The following RAPGEF4 variants were observed in gnomAD, a reference collection of about 807,000 sequenced individuals.
The protein encoded by RAPGEF4 is RAP guanine-nucleotide-exchange factor (GEF) 4.
In RAPGEF4, 66 loss-of-function variants were observed where a neutral mutation model predicts 147.9. The ratio of observed to expected loss-of-function variants is 0.45; its 90% CI spans 0.37 to 0.55. The LOEUF is 0.55. Among genes scored for constraint, RAPGEF4 ranks in the 20% least tolerant of loss-of-function variants. The pLI is 0.00. For missense variants in RAPGEF4, 1,071 were observed against 1,257.3 expected (o/e 0.85, Z 2.24); for synonymous variants, 419 against 442.7 (o/e 0.95, Z 0.67).
At chr2:172,749,501 A>T (rs1468454919) in intron 1 of RAPGEF4, among the ~76,000 whole-genome samples, 2 of 152,206 alleles carry the variant, frequency 1.3e-5, no homozygotes, top group Non-Finnish European at 2.9e-5. Context: ...GACAGCTGGG[A>T]CAAAGGGCAC....
chr2:172,860,381 A>G lies in RAPGEF4; in HGVS notation c.444+45956A>G, dbSNP rs551589646. 63 of 923,002 alleles carry G rather than the reference A, an allele frequency of 6.8e-5. No individual in the cohort carries two copies. The South Asian group carries it at 2.8e-3, about 42-fold the overall frequency. The allele number at this position is 923,002 out of a possible 1,614,324, so 57.2% of individuals were successfully genotyped here. ...GCTTGTTTCTCTTCTCTGTGTTTTC[A>G]TGGAAGCCTCAAGCATGTTTATTTA... On this transcript the variant is annotated intron_variant, in intron 4 of 30. Coordinates refer to ENST00000397081, the MANE Select transcript of RAPGEF4 (RefSeq NM_007023.4).
chr2:172,773,652 C>T (rs539876770), intron 1 of RAPGEF4, among the ~76,000 whole-genome samples: 2 of 134,022 alleles, frequency 1.5e-5, no homozygotes, highest in Non-Finnish European at 1.7e-5. Context: ...CTGCCCCCCC[C>T]GCGGACCATC....
chr2:172,890,894 C>T (rs543776975), intron 4 of RAPGEF4, among the ~76,000 whole-genome samples: 8 of 152,304 alleles, frequency 5.3e-5, no homozygotes, highest in African/African-American at 1.7e-4. Flanking sequence ...CTTTGGGAGG[C>T]CTAGGTGGGC....
In RAPGEF4 at chr2:172,956,546, T is replaced by C. The variant is rs1057250007; in HGVS notation, c.538-4214T>C. ...GTGCAGTGGCACGATCTCAGCTCAC[T>C]GCAACCTCCGCCTCCCGGGTTCACG... On this transcript the variant is annotated intron_variant, in intron 6 of 30. Coordinates refer to ENST00000397081, the MANE Select transcript of RAPGEF4 (RefSeq NM_007023.4). Among the ~76,000 whole-genome samples the C allele has an allele frequency of 2.7e-5, 4 of 150,456 alleles. No homozygotes were observed. In the South Asian group the frequency reaches 6.3e-4, roughly 24 times the overall value.
At chr2:172,997,431 A>G (rs1239235618) in intron 16 of RAPGEF4, among the ~76,000 whole-genome samples, 1 of 151,800 alleles carries the variant, frequency 6.6e-6, no homozygotes, top group South Asian at 2.1e-4. Context: ...ATTCTGAGAT[A>G]CTGGAGGTTA....
intron 5 of RAPGEF4, among the ~76,000 whole-genome samples, chr2:172,921,986 G>A (rs1484156537): frequency 2.0e-5 from 3 of 152,180 alleles, no homozygotes; most frequent in Admixed American, 6.5e-5. Flanking sequence ...TTGTTTTCAT[G>A]GTGAGAATGA....
chr2:172,796,088 G>T (rs1686331423), intron 2 of RAPGEF4, among the ~76,000 whole-genome samples: 1 of 152,094 alleles, frequency 6.6e-6, no homozygotes, highest in African/African-American at 2.4e-5. Flanking sequence ...GGATCACCAG[G>T]ACTGATTTAG....
chr2:173,014,363 A>C, intron 17 of RAPGEF4, 101 bp from the exon 18 acceptor site: 3 of 1,476,566 alleles, frequency 2.0e-6, no homozygotes, highest in Non-Finnish European at 2.8e-6. Flanking sequence ...TCCATCTAAA[A>C]GCCTGGCTTT....
chr2:172,947,898 G>A (rs1283472459), intron 6 of RAPGEF4, among the ~76,000 whole-genome samples: 1 of 152,072 alleles, frequency 6.6e-6, no homozygotes, highest in Non-Finnish European at 1.5e-5. Context: ...CATATAAACA[G>A]CATTTAGATC....
At chr2:173,002,967 C>T (rs965963841) in intron 17 of RAPGEF4, among the ~76,000 whole-genome samples, 14 of 152,090 alleles carry the variant, frequency 9.2e-5, no homozygotes, top group Non-Finnish European at 1.6e-4. Flanking sequence ...TCATTATAGA[C>T]CTTTGAGATT....
chr2:172,844,001 C>A (rs1288955180), intron 4 of RAPGEF4, among the ~76,000 whole-genome samples: 2 of 152,196 alleles, frequency 1.3e-5, no homozygotes, highest in Non-Finnish European at 2.9e-5. Context: ...ATTGCAAATC[C>A]TTTGAAGGCA....
intron 25 of RAPGEF4, among the ~76,000 whole-genome samples, chr2:173,029,206 T>A (rs375996650): frequency 3.9e-5 from 6 of 152,340 alleles, no homozygotes; most frequent in African/African-American, 1.2e-4. Context: ...ACACAGACAA[T>A]TTAAGAATTA....
chr2:172,831,668 G>A (rs747927677), intron 4 of RAPGEF4, among the ~76,000 whole-genome samples: 1 of 152,082 alleles, frequency 6.6e-6, no homozygotes, highest in Admixed American at 6.5e-5. Context: ...TTGAAGTAAT[G>A]CATATGGTTA....
intron 1 of RAPGEF4, among the ~76,000 whole-genome samples, chr2:172,755,049 A>G (rs547680380): frequency 6.6e-6 from 1 of 152,274 alleles, no homozygotes; most frequent in Non-Finnish European, 1.5e-5. Context: ...TCTCAAAAAA[A>G]AAATCCTCTT....
Position 172,983,367 on chromosome 2 carries a change from C to T in RAPGEF4, c.1005-129C>T, listed in dbSNP as rs1277001400. On this transcript the variant is annotated intron_variant, in intron 10 of 30. Transcript: ENST00000397081. ...TAGGCATTATACTGGTGCAACCTCT[C>T]CCTCCGCCAATATCTTCTTGTGCAG... is the stretch of plus-strand genomic sequence containing the variant. The T allele has an allele frequency of 2.0e-6, 3 of 1,472,630 alleles. No homozygotes were observed. In the South Asian group the frequency reaches 4.4e-5, roughly 21 times the overall value. 91.2% of individuals were successfully genotyped at this position (1,472,630 alleles called of 1,614,324 possible). A position where few individuals can be genotyped will look rare whatever the true frequency, so the allele number is the denominator to read the frequency against.
chr2:173,028,515 A>T (rs1011660948), intron 25 of RAPGEF4, among the ~76,000 whole-genome samples: 3 of 152,254 alleles, frequency 2.0e-5, no homozygotes, highest in African/African-American at 7.2e-5. Flanking sequence ...TATTTTACAG[A>T]GGCAACATGG....
chr2:173,011,129 C>A (rs1443696517), intron 17 of RAPGEF4, among the ~76,000 whole-genome samples: 2 of 151,114 alleles, frequency 1.3e-5, no homozygotes, highest in African/African-American at 2.4e-5. Flanking sequence ...ACTAAACATG[C>A]TGAATCAGCT....
In RAPGEF4 at chr2:172,795,050, G is replaced by A. The variant is rs368839661; in HGVS notation, c.91G>A (p.Val31Met). 5 of 1,613,986 alleles carry A rather than the reference G, an allele frequency of 3.1e-6. No individual in the cohort carries two copies. Among genetic ancestry groups the A allele is most frequent in the Non-Finnish European group, 3.4e-6 (4 of 1,179,890 alleles). Residue 31 changes from valine to methionine, a missense_variant, in exon 2 of 31, where the codon GTG (valine) becomes ATG (methionine). Coordinates refer to ENST00000397081, the MANE Select transcript of RAPGEF4 (RefSeq NM_007023.4). ...KRPLERSSED[V>M]DIIFTRLKEV... ...ACCACTGGAGCGATCCAGCGAAGAT[G>A]TGGATATAATCTTCACTCGACTGAA...
intron 10 of RAPGEF4, among the ~76,000 whole-genome samples, chr2:172,968,197 G>T (rs930416210): frequency 3.3e-5 from 5 of 152,176 alleles, no homozygotes; most frequent in Non-Finnish European, 7.3e-5. Flanking sequence ...CGGTGACTTG[G>T]CCCTTGCATC....
Sources: allele counts gnomAD v4.1 joint callset (sites outside exome capture counted in the v4.1 genomes callset), GRCh38; gene constraint gnomAD v4.1.1; transcripts MANE v1.5; gene names NCBI Gene and HGNC (gene_info 2026-07-23, HGNC 2026-07-21).